The following ZNF254 variants were observed in gnomAD, a reference collection of about 807,000 sequenced individuals.
ZNF254 encodes the protein zinc finger protein 254.
Under a neutral mutation model 12.4 loss-of-function variants are expected in ZNF254, and 10 were observed. That is an observed-to-expected ratio of 0.80 (90% confidence interval 0.50 to 1.36). The LOEUF (loss-of-function observed/expected upper bound fraction) is 1.36. Among genes scored for constraint, ZNF254 ranks in the 40% most tolerant of loss-of-function variants. ZNF254 has a pLI of 0.00. For missense variants in ZNF254, 996 were observed against 763.9 expected (o/e 1.30, Z -3.58); for synonymous variants, 305 against 253.4 (o/e 1.20, Z -1.93).
At chr19:24,053,453 A>G (rs1970722683) in intron 2 of ZNF254, among the ~76,000 whole-genome samples, 1 of 152,030 alleles carries the variant, frequency 6.6e-6, no homozygotes, top group African/African-American at 2.4e-5. Flanking sequence ...GGCCCAACGT[A>G]CAGATGGGAT....
chr19:24,118,301 A>G (rs557796492), intron 3 of ZNF254, among the ~76,000 whole-genome samples: 1 of 152,072 alleles, frequency 6.6e-6, no homozygotes, highest in South Asian at 2.1e-4. Flanking sequence ...ATCCGCCCGC[A>G]TCAGCCTCCC....
chr19:24,056,756 A>T (rs890289816), intron 2 of ZNF254, among the ~76,000 whole-genome samples: 4 of 152,216 alleles, frequency 2.6e-5, no homozygotes, highest in African/African-American at 9.6e-5. Flanking sequence ...GCATTGTGAC[A>T]TATCACTCGT....
intron 1 of ZNF254, among the ~76,000 whole-genome samples, chr19:24,037,994 G>A (rs897220060): frequency 1.8e-4 from 28 of 152,250 alleles, no homozygotes; most frequent in Admixed American, 1.5e-3. Flanking sequence ...TAATGCACCC[G>A]CCTCGGACTC....
chr19:24,062,724 A>C (rs1308026731), intron 2 of ZNF254, among the ~76,000 whole-genome samples: 1 of 152,112 alleles, frequency 6.6e-6, no homozygotes, highest in African/African-American at 2.4e-5. Flanking sequence ...TCATTTGTGG[A>C]TTTTTGTCCA....
intron 3 of ZNF254, among the ~76,000 whole-genome samples, chr19:24,110,063 C>G (rs552765767): frequency 7.9e-5 from 12 of 152,062 alleles, no homozygotes; most frequent in African/African-American, 2.4e-4. Flanking sequence ...TTTATCTTGT[C>G]TAAGTGAGTA....
At chr19:24,052,401 C>T (rs67822991) in intron 2 of ZNF254, among the ~76,000 whole-genome samples, 7 of 152,212 alleles carry the variant, frequency 4.6e-5, no homozygotes, top group African/African-American at 1.7e-4. Flanking sequence ...CCCATGAAAT[C>T]GGAGGCTTCT....
chr19:24,075,779 CGCTG>C (rs1290423578), intron 2 of ZNF254, among the ~76,000 whole-genome samples: 1 of 152,182 alleles, frequency 6.6e-6, no homozygotes, highest in Non-Finnish European at 1.5e-5. Context: ...AGCCTGGGGG[CGCTG>C]CAGGAGACCA....
chr19:24,065,234 A>G (rs373073473), intron 2 of ZNF254, among the ~76,000 whole-genome samples: 9 of 152,288 alleles, frequency 5.9e-5, no homozygotes, highest in Admixed American at 2.6e-4. Flanking sequence ...CCCAGGAACC[A>G]GGTGTTTTGT....
At chr19:24,033,809 C>T (rs1031921701) in intron 1 of ZNF254, among the ~76,000 whole-genome samples, 1 of 152,206 alleles carries the variant, frequency 6.6e-6, no homozygotes, top group Non-Finnish European at 1.5e-5. Flanking sequence ...CCCGTCCCTG[C>T]GGCGCCCAGT....
intron 1 of ZNF254, among the ~76,000 whole-genome samples, chr19:24,097,835 C>T (rs1384707950): frequency 7.3e-6 from 1 of 136,700 alleles, no homozygotes; most frequent in East Asian, 2.0e-4. Flanking sequence ...AATATACAAG[C>T]AAACAACAAC....
rs34508258 is a variant in ZNF254 at position 24,046,373 on chromosome 19, TTATATATATATATA to T, written c.-94+108_-94+121del. ...TTGTCTTCCATTATTTTATTATTTT[TTATATATATATATA>T]TATATATATATATGTGCAGATCTGT... On this transcript the variant is annotated intron_variant, in intron 2 of 4. Transcript: ENST00000613065. 2.2e-4 allele frequency: 21 copies of T among 95,492 alleles called. 2 individuals carry two copies. In the East Asian group the frequency reaches 2.2e-3, roughly 10 times the overall value. The allele number at this position is 95,492 out of a possible 1,614,324, so 5.9% of individuals were successfully genotyped here.
chr19:24,053,671 C>T (rs1335069160), intron 2 of ZNF254, among the ~76,000 whole-genome samples: 1 of 152,128 alleles, frequency 6.6e-6, no homozygotes, highest in Non-Finnish European at 1.5e-5. Flanking sequence ...CTGCCTGGTT[C>T]CTCTTGTACA....
At chr19:24,091,758 G>T (rs1972396587) in intron 1 of ZNF254, 7 of 708,280 alleles carry the variant, frequency 9.9e-6, no homozygotes, top group Non-Finnish European at 1.2e-5. Flanking sequence ...CTCCCATAGT[G>T]CTGGGATTAC....
intron 3 of ZNF254, chr19:24,107,009 A>G: frequency 2.4e-6 from 1 of 420,546 alleles, no homozygotes; most frequent in Admixed American, 4.5e-5. Flanking sequence ...TTTTTGCATC[A>G]TGTCTGAAAT....
intron 2 of ZNF254, chr19:24,065,758 G>A (rs1369184962): frequency 6.6e-6 from 1 of 152,124 alleles, no homozygotes; most frequent in Non-Finnish European, 1.5e-5. Flanking sequence ...GCTGAATCCT[G>A]TACCCATGTT....
intron 1 of ZNF254, among the ~76,000 whole-genome samples, chr19:24,044,351 A>T (rs1970294415): frequency 1.3e-5 from 2 of 152,108 alleles, no homozygotes; most frequent in African/African-American, 4.8e-5. Flanking sequence ...ATCCTGGCTA[A>T]CATGGTGAAA....
At chr19:24,046,728 T>G (rs950177621) in intron 2 of ZNF254, among the ~76,000 whole-genome samples, 3 of 151,296 alleles carry the variant, frequency 2.0e-5, no homozygotes, top group Non-Finnish European at 2.9e-5. Flanking sequence ...GTAGAGGGAG[T>G]GGCTTCTGAA....
chr19:24,041,702 G>C (rs543953915), intron 1 of ZNF254, among the ~76,000 whole-genome samples: 1 of 152,250 alleles, frequency 6.6e-6, no homozygotes, highest in African/African-American at 2.4e-5. Context: ...GAATGCGAGC[G>C]CACGGCGCAG....
Position 24,129,439 on chromosome 19 carries a change from G to A in ZNF254, c.*1459G>A, listed in dbSNP as rs887808391. The A allele has an allele frequency of 1.3e-5, 2 of 151,972 alleles. No homozygotes were observed. The highest frequency in any genetic ancestry group is 2.4e-5 in the African/African-American group (1 of 41,412). 9.4% of individuals were successfully genotyped at this position (151,972 alleles called of 1,614,324 possible). A position where few individuals can be genotyped will look rare whatever the true frequency, so the allele number is the denominator to read the frequency against. ...AAAGATGGTAACAATACACTATTTGGTAAGATAATGTACTGACATCTCTAG... is the reference window on the plus strand; with the variant it reads ...AAAGATGGTAACAATACACTATTTGATAAGATAATGTACTGACATCTCTAG... On this transcript the variant is annotated 3_prime_UTR_variant, in exon 4 of 4. Transcript: ENST00000357002.
Sources: allele counts gnomAD v4.1 joint callset (sites outside exome capture counted in the v4.1 genomes callset), GRCh38; gene constraint gnomAD v4.1.1; transcripts MANE v1.5; gene names NCBI Gene and HGNC (gene_info 2026-07-23, HGNC 2026-07-21).